The following SLCO1C1 variants were observed in gnomAD, a reference collection of about 807,000 sequenced individuals.
SLCO1C1 encodes solute carrier organic anion transporter family member 1C1, also known as OAT-RP-5.
In SLCO1C1, 70 loss-of-function variants were observed where a neutral mutation model predicts 76.4. That is an observed-to-expected ratio of 0.92 (90% CI 0.76 to 1.12). The LOEUF (loss-of-function observed/expected upper bound fraction) is 1.12, where lower values mean the gene tolerates loss of function less well. Ranked by LOEUF, SLCO1C1 falls within the 50% of genes most tolerant of loss-of-function variation. SLCO1C1 has a pLI of 0.00. For synonymous variants in SLCO1C1, 306 were observed against 286.1 expected (o/e 1.07, Z -0.70); for missense variants, 912 against 823.8 (o/e 1.11, Z -1.31).
chr12:20,706,952 A>G (rs1470187895), intron 4 of SLCO1C1, among the ~76,000 whole-genome samples: 2 of 152,152 alleles, frequency 1.3e-5, no homozygotes, highest in African/African-American at 4.8e-5. Flanking sequence ...TCCACTCTAG[A>G]TCATTGTATC....
chr12:20,740,528 T>G (rs545984506), intron 12 of SLCO1C1, among the ~76,000 whole-genome samples, 160 bp downstream of exon 12: 2 of 151,918 alleles, frequency 1.3e-5, no homozygotes, highest in South Asian at 4.2e-4. Flanking sequence ...ACTTTGGGTA[T>G]TTATACAAAA....
At position 20,737,251 on chromosome 12, in the gene SLCO1C1, C is replaced by A. The variant is rs140193226; in HGVS notation, c.1527C>A (p.Ser509=). The A allele has an allele frequency of 1.7e-4, 272 of 1,562,744 alleles. 2 individuals are homozygous for A. In the East Asian group the frequency reaches 4.6e-3, roughly 26 times the overall value. ...CTTGTCTTGCTGGTTGTCAAACCTCCAACAGGAGTGGAAAAAATATTGTAA... is the reference window on the plus strand; with the variant it reads ...CTTGTCTTGCTGGTTGTCAAACCTCAAACAGGAGTGGAAAAAATATTGTAA... The part of the protein sequence containing the change: ...VSACLAGCQT[S]NRSGKNIIFY... Residue 509 remains serine, a synonymous_variant, in exon 11 of 15, where the codon TCC becomes TCA. Coordinates refer to ENST00000266509, the MANE Select transcript of SLCO1C1 (RefSeq NM_017435.5).
intron 9 of SLCO1C1, among the ~76,000 whole-genome samples, chr12:20,724,273 A>T (rs1240216435): frequency 6.6e-6 from 1 of 151,440 alleles, no homozygotes; most frequent in African/African-American, 2.4e-5. Context: ...ATAGATGAGG[A>T]TTTAAAGTTT....
chr12:20,710,223 T>TTTTTTTTTTTTTTTTTTTTTTTTTTTC (rs1555122286), intron 4 of SLCO1C1, among the ~76,000 whole-genome samples: 1 of 133,776 alleles, frequency 7.5e-6, no homozygotes, highest in Non-Finnish European at 1.6e-5. Flanking sequence ...TTTTTTTTTT[T>TTTTTTTTTTTTTTTTTTTTTTTTTTTC]TTGAGATGGA....
At chr12:20,741,519 C>G (rs1310115108) in intron 12 of SLCO1C1, among the ~76,000 whole-genome samples, 1 of 152,118 alleles carries the variant, frequency 6.6e-6, no homozygotes, top group East Asian at 1.9e-4. Flanking sequence ...TAACCAACAT[C>G]ACCTGGGTCA....
intron 7 of SLCO1C1, among the ~76,000 whole-genome samples, chr12:20,718,398 C>A (rs1447807422): frequency 6.6e-6 from 1 of 152,096 alleles, no homozygotes; most frequent in Non-Finnish European, 1.5e-5. Context: ...TGGTTTGATT[C>A]AAAAACCTGT....
intron 13 of SLCO1C1, among the ~76,000 whole-genome samples, chr12:20,748,434 C>T (rs1045779892): frequency 2.6e-5 from 4 of 152,170 alleles, no homozygotes; most frequent in Non-Finnish European, 4.4e-5. Context: ...AAGCCCTCAA[C>T]TTGTGTTCTT....
At chr12:20,732,814 T>C in intron 9 of SLCO1C1, 95 bp from the exon 10 acceptor site, 2 of 1,301,032 alleles carry the variant, frequency 1.5e-6, no homozygotes, top group Non-Finnish European at 2.1e-6. Flanking sequence ...ATTTCTATAA[T>C]TTAAAGTGAC....
chr12:20,749,487 C>T (rs1949194846), intron 13 of SLCO1C1, among the ~76,000 whole-genome samples: 1 of 152,160 alleles, frequency 6.6e-6, no homozygotes, highest in Admixed American at 6.5e-5. Flanking sequence ...TATATGAAAT[C>T]TCCTAGGTTT....
At chr12:20,731,697 T>C (rs1948269851) in intron 9 of SLCO1C1, among the ~76,000 whole-genome samples, 1 of 152,214 alleles carries the variant, frequency 6.6e-6, no homozygotes, top group Non-Finnish European at 1.5e-5. Context: ...AGAATTTACT[T>C]ATTGTTGAGT....
chr12:20,738,572 T>C (rs1245710090), intron 11 of SLCO1C1, among the ~76,000 whole-genome samples: 2 of 152,190 alleles, frequency 1.3e-5, no homozygotes, highest in Non-Finnish European at 2.9e-5. Context: ...TGAATAAGAC[T>C]ACCTACTCAT....
chr12:20,752,657 T>C lies in SLCO1C1; in HGVS notation c.*129T>C. ...AAAAATGTCTACTTTGTTTTGGTCC[T>C]AGGCATTAGGTAATATAACTGATAA... On this transcript the variant is annotated 3_prime_UTR_variant, in exon 15 of 15. Coordinates refer to ENST00000266509, the MANE Select transcript of SLCO1C1 (RefSeq NM_017435.5). The C allele has an allele frequency of 1.4e-6, 1 of 700,506 alleles. No individual in the cohort carries two copies. Among genetic ancestry groups the C allele is most frequent in the South Asian group, 2.6e-5 (1 of 38,062 alleles). The allele number at this position is 700,506 out of a possible 1,614,324, so 43.4% of individuals were successfully genotyped here.
At chr12:20,721,229 T>A (rs1424343073) in intron 7 of SLCO1C1, among the ~76,000 whole-genome samples, 2 of 152,184 alleles carry the variant, frequency 1.3e-5, no homozygotes, top group East Asian at 3.9e-4. Flanking sequence ...GTAAAAATGC[T>A]GTCAAATAGC....
chr12:20,736,980 C>G (rs1030394601), intron 10 of SLCO1C1, 127 bp from the exon 11 acceptor site: 1 of 660,838 alleles, frequency 1.5e-6, no homozygotes, highest in Non-Finnish European at 2.3e-6. Context: ...CTGATGACAA[C>G]TGTGTTTCTA....
chr12:20,726,873 C>T (rs1374675320), intron 9 of SLCO1C1, among the ~76,000 whole-genome samples: 1 of 152,130 alleles, frequency 6.6e-6, no homozygotes, highest in African/African-American at 2.4e-5. Flanking sequence ...CTTTCCCTCT[C>T]CAGTAGTTCC....
chr12:20,717,354 T>A, intron 7 of SLCO1C1, 124 bp downstream of exon 7: 1 of 642,964 alleles, frequency 1.6e-6, no homozygotes, highest in Non-Finnish European at 2.5e-6. Flanking sequence ...TTTCATAAAC[T>A]AAAAATTTTA....
At chr12:20,704,106 G>A (rs1439274149) in intron 3 of SLCO1C1, among the ~76,000 whole-genome samples, 1 of 150,994 alleles carries the variant, frequency 6.6e-6, no homozygotes, top group Non-Finnish European at 1.5e-5. Flanking sequence ...GGTAGATATG[G>A]AATAATTTTT....
At chr12:20,698,218 CATT>C (rs1466816985) in intron 1 of SLCO1C1, among the ~76,000 whole-genome samples, 2 of 151,812 alleles carry the variant, frequency 1.3e-5, no homozygotes, top group Admixed American at 6.6e-5. Flanking sequence ...TCTTGATTAA[CATT>C]ATTAGCTCTT....
intron 1 of SLCO1C1, chr12:20,697,306 C>A (rs1946312411): frequency 6.6e-6 from 1 of 151,880 alleles, no homozygotes; most frequent in South Asian, 2.1e-4. Context: ...TAATTTAATC[C>A]TTTGAAGAAT....
Sources: gnomAD v4.1 joint callset for allele counts (sites outside exome capture counted in the v4.1 genomes callset) on GRCh38, gnomAD v4.1.1 for gene constraint, MANE v1.5 for transcripts, NCBI Gene and HGNC (gene_info 2026-07-23, HGNC 2026-07-21) for gene names.